DARS1: variants seen among roughly 807,000 people sequenced by gnomAD.
The protein encoded by DARS1 is aspartate--tRNA ligase, cytoplasmic.
DARS1 carries 51 observed loss-of-function variants against 68.8 expected under a neutral mutation model. The observed-to-expected ratio is 0.74, with a 90% CI of 0.59 to 0.94. The LOEUF is 0.94. Among genes scored for constraint, DARS1 ranks in the 40% least tolerant of loss-of-function variants. The pLI is 0.00. For missense variants in DARS1, 607 were observed against 597.3 expected, an observed-to-expected ratio of 1.02 and a Z score of -0.17; for synonymous variants, 203 against 190.4, an observed-to-expected ratio of 1.07 and a Z score of -0.55.
intron 3 of DARS1, among the ~76,000 whole-genome samples, chr2:135,967,978 G>A (rs1481949820): frequency 6.6e-6 from 1 of 152,082 alleles, no homozygotes; most frequent in East Asian, 1.9e-4. Flanking sequence ...CACAATCTAC[G>A]GCCGGGGGCA....
chr2:135,955,810 C>A (rs1187532050), intron 4 of DARS1, among the ~76,000 whole-genome samples: 1 of 150,694 alleles, frequency 6.6e-6, no homozygotes, highest in African/African-American at 2.4e-5. Context: ...CTCACACCAC[C>A]ATGCCTGGCT....
chr2:135,983,495 C>T (rs1682686772), intron 1 of DARS1, 41 bp from the exon 2 acceptor site: 1 of 766,196 alleles, frequency 1.3e-6, no homozygotes, highest in Non-Finnish European at 2.3e-6. Context: ...TTTATGTAAA[C>T]ACTAAGAGCA....
At chr2:135,959,973 G>A (rs1682065883) in intron 4 of DARS1, among the ~76,000 whole-genome samples, 1 of 152,118 alleles carries the variant, frequency 6.6e-6, no homozygotes, top group African/African-American at 2.4e-5. Context: ...ATCTATGTCT[G>A]CGGTTTCCAG....
At chr2:135,932,870 A>C in intron 6 of DARS1, 28 bp from the exon 7 acceptor site, 1 of 1,063,324 alleles carries the variant, frequency 9.4e-7, no homozygotes, top group Non-Finnish European at 1.4e-6. Flanking sequence ...GAAAAGAAAA[A>C]AATAAATTTT....
At chr2:135,921,696 G>A (rs1367190053) in intron 9 of DARS1, among the ~76,000 whole-genome samples, 1 of 152,168 alleles carries the variant, frequency 6.6e-6, no homozygotes, top group African/African-American at 2.4e-5. Context: ...CTGGAAATGA[G>A]CAGCATCAAC....
At chr2:135,941,034 T>C (rs1428942529) in intron 5 of DARS1, among the ~76,000 whole-genome samples, 1 of 152,176 alleles carries the variant, frequency 6.6e-6, no homozygotes, top group African/African-American at 2.4e-5. Flanking sequence ...TGGAAGAACA[T>C]TGCATGCACA....
chr2:135,944,158 A>T (rs1681667430), intron 4 of DARS1, among the ~76,000 whole-genome samples: 1 of 152,152 alleles, frequency 6.6e-6, no homozygotes, highest in Non-Finnish European at 1.5e-5. Flanking sequence ...AAAATACAAA[A>T]TTTATAAAGT....
intron 3 of DARS1, among the ~76,000 whole-genome samples, chr2:135,970,721 GA>G (rs1442118839): frequency 6.6e-6 from 1 of 151,460 alleles, no homozygotes; most frequent in African/African-American, 2.4e-5. Flanking sequence ...CCAGACTAAG[GA>G]AAAAAGAGAA....
intron 7 of DARS1, among the ~76,000 whole-genome samples, chr2:135,929,545 A>C (rs902583518): frequency 1.3e-5 from 2 of 152,228 alleles, no homozygotes; most frequent in African/African-American, 2.4e-5. Flanking sequence ...TAACACCCAG[A>C]AATCACTGTG....
At chr2:135,978,227 C>A (rs1682545721) in intron 3 of DARS1, among the ~76,000 whole-genome samples, 1 of 145,728 alleles carries the variant, frequency 6.9e-6, no homozygotes, top group Non-Finnish European at 1.5e-5. Flanking sequence ...ACTATAGAAG[C>A]AAAGTAGAAT....
At chr2:135,923,616 A>T (rs1271911561) in intron 8 of DARS1, among the ~76,000 whole-genome samples, 2 of 152,192 alleles carry the variant, frequency 1.3e-5, no homozygotes, top group African/African-American at 4.8e-5. Flanking sequence ...AATTATTAAG[A>T]ATGCAATGTT....
In DARS1 at chr2:135,907,238, C is replaced by CTTTGTTTTTT; in HGVS notation, c.*77_*78insAAAAAACAAA. ...AGGTTACTGAAAAGAATAAGTGTGG[C>CTTTGTTTTTT]TTTCTTTTTTTTTTTTTTTTTTTGA... On this transcript the variant is annotated 3_prime_UTR_variant, in exon 16 of 16. Transcript: ENST00000264161. The CTTTGTTTTTT allele has an allele frequency of 2.8e-6, 2 of 724,940 alleles. No individual in the cohort carries two copies. Among genetic ancestry groups the CTTTGTTTTTT allele is most frequent in the African/African-American group, 2.6e-5 (1 of 39,188 alleles). The allele number at this position is 724,940 out of a possible 1,614,324, so 44.9% of individuals were successfully genotyped here.
chr2:135,943,012 C>T (rs757656992), intron 5 of DARS1, among the ~76,000 whole-genome samples: 6 of 152,150 alleles, frequency 3.9e-5, no homozygotes, highest in African/African-American at 9.7e-5. Context: ...CTTAGGGTTT[C>T]GCACTCTTGC....
intron 3 of DARS1, among the ~76,000 whole-genome samples, chr2:135,965,092 C>A (rs559927508): frequency 1.3e-5 from 2 of 151,560 alleles, no homozygotes; most frequent in Non-Finnish European, 2.9e-5. Flanking sequence ...GATAATAGAC[C>A]GTATTAGATA....
chr2:135,923,209 AT>A (rs888801837), intron 8 of DARS1, among the ~76,000 whole-genome samples: 3 of 151,154 alleles, frequency 2.0e-5, no homozygotes, highest in Non-Finnish European at 3.0e-5. Context: ...AGTTGTTAAA[AT>A]TTTTTTTTTA....
intron 12 of DARS1, 65 bp from the exon 13 acceptor site, chr2:135,912,631 ATTAAC>A (rs1197210555): frequency 4.6e-6 from 3 of 654,668 alleles, no homozygotes; most frequent in African/African-American, 1.9e-5. Flanking sequence ...CATTTTGGTA[ATTAAC>A]TTTATACAAA....
intron 3 of DARS1, among the ~76,000 whole-genome samples, chr2:135,976,104 A>C (rs549697914): frequency 2.6e-5 from 4 of 152,358 alleles, no homozygotes; most frequent in African/African-American, 9.6e-5. Flanking sequence ...TTGCAAATTA[A>C]AAATATTGTA....
intron 3 of DARS1, among the ~76,000 whole-genome samples, chr2:135,972,173 TC>T (rs1232792242): frequency 2.0e-5 from 3 of 152,132 alleles, no homozygotes; most frequent in South Asian, 2.1e-4. Flanking sequence ...CTACTTACCT[TC>T]AAATTATACT....
chr2:135,982,007 T>C (rs1450687002), intron 2 of DARS1, among the ~76,000 whole-genome samples: 1 of 152,134 alleles, frequency 6.6e-6, no homozygotes. Context: ...AAATCAAATA[T>C]AACAATAAAA....
Sources: allele counts gnomAD v4.1 joint callset (sites outside exome capture counted in the v4.1 genomes callset), GRCh38; gene constraint gnomAD v4.1.1; transcripts MANE v1.5; gene names NCBI Gene and HGNC (gene_info 2026-07-23, HGNC 2026-07-21).